The following TM9SF1 variants were observed in gnomAD, a reference collection of about 807,000 sequenced individuals.
The protein encoded by TM9SF1 is transmembrane 9 superfamily member 1, also known as MP70 protein family member.
A neutral mutation model predicts 52.4 loss-of-function variants in TM9SF1; 25 were observed. The observed-to-expected ratio is 0.48, with a 90% CI of 0.35 to 0.67. The LOEUF (loss-of-function observed/expected upper bound fraction) is 0.67. Ranked by LOEUF, TM9SF1 falls within the 30% of genes least tolerant of loss-of-function variation. The probability of loss-of-function intolerance (pLI) is 0.01; values close to 1 mark genes in which losing one functional copy is unlikely to be tolerated. For synonymous variants in TM9SF1, 284 were observed against 299.8 expected (o/e 0.95, Z 0.55); for missense variants, 604 against 780.3 (o/e 0.77, Z 2.69).
In TM9SF1 at chr14:24,189,621, C is replaced by A; in HGVS notation, c.1615G>T (p.Val539Phe). 6.2e-7 allele frequency: 1 copy of A among 1,614,106 alleles called. No homozygotes were observed. The highest frequency in any genetic ancestry group is 8.5e-7 in the Non-Finnish European group (1 of 1,180,022). ...YRWWWRSVLS[V>F]GSTGLFIFLY... The stretch of plus-strand genomic sequence containing the variant: ...AAGATGAAGAGGCCGGTGGAGCCAA[C>A]ACTCAGCACAGATCGCCACCACCAG... Residue 539 changes from valine to phenylalanine, a missense_variant, in exon 6 of 6, where the codon GTT becomes TTT. Around this residue, in one of 3 missense-constraint regions of TM9SF1, gnomAD observed 107 missense variants for 180.5 expected, o/e 0.59. Transcript: ENST00000261789.
At position 24,193,256 on chromosome 14, in the gene TM9SF1, C is replaced by T. The variant is rs776672293; in HGVS notation, c.359G>A (p.Arg120His). The T allele has an allele frequency of 3.1e-6, 5 of 1,600,198 alleles. No homozygotes were observed. Among genetic ancestry groups the T allele is most frequent in the Admixed American group, 1.7e-5 (1 of 59,196 alleles). Reference protein sequence around the residue: ...QLSSAQVEQLRQAIEELYYFE... With the variant: ...QLSSAQVEQLHQAIEELYYFE... ...GTAGTACAGTTCTTCAATGGCCTGG[C>T]GCAGCTGCTCCACCTATAAAGAGCA... Residue 120 changes from arginine to histidine, a missense_variant, in exon 3 of 6, where the codon CGC becomes CAC. Arg to His is a conservative substitution (Grantham distance 29, BLOSUM62 0). This residue lies in a region of TM9SF1 where 450 missense variants were observed against 560.1 expected (regional missense o/e 0.80). Transcript: ENST00000261789.
At chr14:24,190,119 C>A (rs2039294798) in intron 5 of TM9SF1, 1 of 1,364,334 alleles carries the variant, frequency 7.3e-7, no homozygotes, top group Non-Finnish European at 9.4e-7. Context: ...GGCTTTAAAC[C>A]CCACATGATG....
Position 24,195,369 on chromosome 14 carries a change from C to G in TM9SF1, c.-41G>C. On this transcript the variant is annotated 5_prime_UTR_variant, in exon 1 of 6. Transcript: ENST00000261789. ...ACCGCGCGGGAAGGGCTGGCCGAGG[C>G]GGCGCCAGCGGCCTTCGCGCCCCCG... is the stretch of plus-strand genomic sequence containing the variant. 1 of 237,678 alleles carries G rather than the reference C, an allele frequency of 4.2e-6. No homozygotes were observed. The highest frequency in any genetic ancestry group is 8.3e-6 in the Non-Finnish European group (1 of 120,258). The allele number at this position is 237,678 out of a possible 1,614,324, so 14.7% of individuals were successfully genotyped here. A position where few individuals can be genotyped will look rare whatever the true frequency, so the allele number is the denominator to read the frequency against.
chr14:24,193,617 G>A (rs1179405742), intron 2 of TM9SF1, among the ~76,000 whole-genome samples: 5 of 150,120 alleles, frequency 3.3e-5, no homozygotes, highest in Non-Finnish European at 4.5e-5. Context: ...TGCCTGCCTC[G>A]GCCTCCCAAA....
chr14:24,192,313 A>G lies in TM9SF1; in HGVS notation c.1011T>C (p.Arg337=). The change falls in exon 4 of 6, where the codon CGT becomes CGC. Residue 337 remains arginine, a synonymous_variant. Transcript: ENST00000261789. The surrounding 1 kb of genome is among the most constrained non-coding windows in gnomAD (Gnocchi z 4.0). Reference sequence around the variant, plus strand: ...TGGCTGCTGAGTTAATGGCCCCATGACGGTGCACATTGAACATGCCCAGCA... The same window carrying G: ...TGGCTGCTGAGTTAATGGCCCCATGGCGGTGCACATTGAACATGCCCAGCA... ...MALLGMFNVH[R]HGAINSAAIL... 6.2e-7 allele frequency: 1 copy of G among 1,614,124 alleles called. No homozygotes were observed. Among genetic ancestry groups the G allele is most frequent in the Non-Finnish European group, 8.5e-7 (1 of 1,180,030 alleles).
chr14:24,189,883 C>A, intron 5 of TM9SF1, 75 bp from the exon 6 acceptor site: 2 of 1,499,768 alleles, frequency 1.3e-6, no homozygotes, highest in South Asian at 2.7e-5. Context: ...TGAAATCCAG[C>A]CCCCACCCTC....
chr14:24,195,174 A>G, intron 1 of TM9SF1, 138 bp from the exon 2 acceptor site: 2 of 625,002 alleles, frequency 3.2e-6, no homozygotes, highest in South Asian at 1.9e-5. Context: ...ACGTCTCTCT[A>G]TCCCAAAGAC....
rs2039371449 is a variant in TM9SF1 at position 24,194,686 on chromosome 14, T to G, written c.334A>C (p.Ser112Arg). Reference protein sequence around the residue: ...EKRILCHMQLSSAQVEQLRQA... With the variant: ...EKRILCHMQLRSAQVEQLRQA... The stretch of plus-strand genomic sequence containing the variant: ...GTGGAGAGGCTGACCTGTGCAGAAC[T>G]GAGCTGCATGTGGCACAGAATTCTC... The change falls in exon 2 of 6, where the codon AGT becomes CGT. Residue 112 changes from serine to arginine, a missense_variant. Coordinates refer to ENST00000261789, the MANE Select transcript of TM9SF1 (RefSeq NM_006405.7). The G allele has an allele frequency of 1.9e-6, 3 of 1,613,908 alleles. No homozygotes were observed. In the South Asian group the frequency reaches 3.3e-5, roughly 18 times the overall value.
At chr14:24,195,091 G>A (rs2039377990) in intron 1 of TM9SF1, 55 bp from the exon 2 acceptor site, 6 of 1,355,886 alleles carry the variant, frequency 4.4e-6, no homozygotes, top group African/African-American at 2.9e-5. Context: ...GAAACCCCAG[G>A]TCAGGTGCCT....
chr14:24,193,274 A>T lies in TM9SF1; in HGVS notation c.346-5T>A, dbSNP rs750220218. 1.9e-6 allele frequency: 3 copies of T among 1,587,324 alleles called. No homozygotes were observed. Among genetic ancestry groups the T allele is most frequent in the Non-Finnish European group, 2.6e-6 (3 of 1,165,184 alleles). On this transcript the variant is annotated splice_polypyrimidine_tract_variant and splice_region_variant and intron_variant, in intron 2 of 5. Transcript: ENST00000261789. The stretch of plus-strand genomic sequence containing the variant: ...GGCCTGGCGCAGCTGCTCCACCTAT[A>T]AAGAGCAAGTCAGGAGTTGGTCACA...
At position 24,189,703 on chromosome 14, in the gene TM9SF1, C is replaced by T. The variant is rs770577998; in HGVS notation, c.1533G>A (p.Val511=). 1.2e-6 allele frequency: 2 copies of T among 1,614,048 alleles called. No individual in the cohort carries two copies. Among genetic ancestry groups the T allele is most frequent in the East Asian group, 2.2e-5 (1 of 44,894 alleles). Residue 511 remains valine (V), a synonymous_variant, in exon 6 of 6, where the codon GTG becomes GTA. Transcript: ENST00000261789. ...LFFVFAILLS[V]GACISIALTY... ...TGAGTGCAATGGAGATGCAAGCCCC[C>T]ACACTCAGCAGGATGGCGAAGACAA...
chr14:24,193,220 ACAAATT>A lies in TM9SF1; in HGVS notation c.389_394del (p.Glu130_Phe131del). On this transcript the variant is annotated inframe_deletion, in exon 3 of 6. Coordinates refer to ENST00000261789, the MANE Select transcript of TM9SF1 (RefSeq NM_006405.7). ...GCCCCGGATTGGCAAGTCATCTACCACAAATTCAAAGTAGTACAGTTCTTCAATGGC... is the reference window on the plus strand; with the variant it reads ...GCCCCGGATTGGCAAGTCATCTACCACAAAGTAGTACAGTTCTTCAATGGC... 6.2e-7 allele frequency: 1 copy of A among 1,613,830 alleles called. No individual in the cohort carries two copies. Among genetic ancestry groups the A allele is most frequent in the Non-Finnish European group, 8.5e-7 (1 of 1,179,866 alleles).
Position 24,192,371 on chromosome 14 carries a change from C to A in TM9SF1, c.968-15G>T. 1 of 1,607,870 alleles carries A rather than the reference C, an allele frequency of 6.2e-7. No individual in the cohort carries two copies. Among genetic ancestry groups the A allele is most frequent in the Non-Finnish European group, 8.5e-7 (1 of 1,175,840 alleles). ...GACAATAATGCCTGCAGGACGGTAG[C>A]GGAAAGCCCAAGTTAGGCCTCACCT... On this transcript the variant is annotated splice_polypyrimidine_tract_variant and intron_variant, in intron 3 of 5. Coordinates refer to ENST00000261789, the MANE Select transcript of TM9SF1 (RefSeq NM_006405.7). The surrounding 1 kb of genome is among the most constrained non-coding windows in gnomAD (Gnocchi z 4.0).
intron 5 of TM9SF1, 67 bp from the exon 6 acceptor site, chr14:24,189,875 A>G (rs2039290569): frequency 6.6e-7 from 1 of 1,509,092 alleles, no homozygotes; most frequent in Non-Finnish European, 8.9e-7. Context: ...GGCTGGGCTG[A>G]AATCCAGCCC....
intron 4 of TM9SF1, among the ~76,000 whole-genome samples, chr14:24,191,450 T>C (rs1345444218): frequency 1.3e-5 from 2 of 152,208 alleles, no homozygotes; most frequent in African/African-American, 4.8e-5. Flanking sequence ...GGCAATCTGG[T>C]TTGAAAGCCT....
In TM9SF1 at chr14:24,192,559, A is replaced by G. The variant is rs1157891326; in HGVS notation, c.967+89T>C. 1.4e-6 allele frequency: 2 copies of G among 1,472,464 alleles called. No individual in the cohort carries two copies. Among genetic ancestry groups the G allele is most frequent in the East Asian group, 4.6e-5 (2 of 43,906 alleles). The allele number at this position is 1,472,464 out of a possible 1,614,324, so 91.2% of individuals were successfully genotyped here. The stretch of plus-strand genomic sequence containing the variant: ...CCCTTAGGTCTGCCCCTCTGGATAG[A>G]AGAGAAGATCCACAGACCTTTTCTG... On this transcript the variant is annotated intron_variant, in intron 3 of 5. Coordinates refer to ENST00000261789, the MANE Select transcript of TM9SF1 (RefSeq NM_006405.7). This position sits in a 1 kb window ranked among gnomAD's most constrained non-coding sequence, Gnocchi z 4.0.
At position 24,189,215 on chromosome 14, in the gene TM9SF1, T is replaced by A; in HGVS notation, c.*200A>T. 2 of 532,276 alleles carry A rather than the reference T, an allele frequency of 3.8e-6. No homozygotes were observed. Among genetic ancestry groups the A allele is most frequent in the South Asian group, 7.5e-5 (2 of 26,766 alleles). The allele number at this position is 532,276 out of a possible 1,614,324, so 33.0% of individuals were successfully genotyped here. On this transcript the variant is annotated 3_prime_UTR_variant, in exon 6 of 6. Coordinates refer to ENST00000261789, the MANE Select transcript of TM9SF1 (RefSeq NM_006405.7). ...AATCAGGACCAAAACTAAAGGCAAC[T>A]TAAAAAGTTCAAATATATAATCCTT... is the stretch of plus-strand genomic sequence containing the variant.
rs750294562 is a variant in TM9SF1, at chr14:24,195,038, T to C, written c.-17-2A>G. On this transcript the variant is annotated splice_acceptor_variant, in intron 1 of 5. Transcript: ENST00000261789. LOFTEE classifies it low-confidence loss of function (5UTR_SPLICE). Reference sequence around the variant, plus strand: ...CTGTCATCCTTAAGGCAGTGGAACCTGTTTGGGGGAATCCTGAGGTTATAG... The same window carrying C: ...CTGTCATCCTTAAGGCAGTGGAACCCGTTTGGGGGAATCCTGAGGTTATAG... 4 of 1,603,422 alleles carry C rather than the reference T, an allele frequency of 2.5e-6. No individual in the cohort carries two copies. Among genetic ancestry groups the C allele is most frequent in the Non-Finnish European group, 1.7e-6 (2 of 1,171,972 alleles).
Position 24,194,971 on chromosome 14 carries a change from T to C in TM9SF1, c.49A>G (p.Ile17Val), listed in dbSNP as rs775010018. The C allele has an allele frequency of 4.2e-5, 67 of 1,614,068 alleles. No homozygotes were observed. Among genetic ancestry groups the C allele is most frequent in the Non-Finnish European group, 5.2e-5 (61 of 1,180,036 alleles). The change falls in exon 2 of 6, where the codon ATC becomes GTC. Residue 17 changes from isoleucine to valine, a missense_variant. Transcript: ENST00000261789. ...CCTGTGCCCAGCAACAGTATCAGGA[T>C]TGGCAACCACTGGCAGCTCCAACTT... ...PRSWSCQWLP[I>V]LILLLGTGHG...
Sources: gnomAD v4.1 joint callset for allele counts (sites outside exome capture counted in the v4.1 genomes callset) on GRCh38, gnomAD v4.1.1 for gene constraint, gnomAD v4.1.1 regional missense constraint, Gnocchi (gnomAD v3.1) non-coding constraint, MANE v1.5 for transcripts, NCBI Gene and HGNC (gene_info 2026-07-23, HGNC 2026-07-21) for gene names.